The following NTN1 variants were observed in gnomAD, a reference collection of about 807,000 sequenced individuals.
The protein encoded by NTN1 is netrin 1, also known as netrin-1.
In NTN1, 11 loss-of-function variants were observed where a neutral mutation model predicts 54.2. That is an observed-to-expected ratio of 0.20 (90% CI 0.13 to 0.34). The LOEUF is 0.34. Ranked by LOEUF, NTN1 falls within the 10% of genes least tolerant of loss-of-function variation. NTN1 has a pLI of 1.00. For missense variants in NTN1, 740 were observed against 893.1 expected, an observed-to-expected ratio of 0.83 and a Z score of 2.18; for synonymous variants, 371 against 382.0, an observed-to-expected ratio of 0.97 and a Z score of 0.33.
intron 3 of NTN1, chr17:9,179,144 CTTTG>C (rs1308816556): frequency 6.6e-6 from 1 of 152,038 alleles, no homozygotes; most frequent in African/African-American, 2.4e-5. Context: ...CCTCTCCCGT[CTTTG>C]TTTGCACATT....
rs760134101 is a variant in NTN1, at chr17:9,221,341, C to T, written c.1486+99C>T. 1.7e-4 allele frequency: 145 copies of T among 877,974 alleles called. No homozygotes were observed. Among genetic ancestry groups the T allele is most frequent in the Non-Finnish European group, 2.5e-4 (128 of 514,102 alleles). 54.4% of individuals were successfully genotyped at this position (877,974 alleles called of 1,614,324 possible). ...CAGCTGGCCCCCGATGGGTGTTGGT[C>T]GTGAAGACCCTGTGACCGATGGGAA... On this transcript the variant is annotated intron_variant, in intron 6 of 6. Transcript: ENST00000173229. This position sits in a 1 kb window ranked among gnomAD's most constrained non-coding sequence, Gnocchi z 4.5.
At chr17:9,172,616 A>G (rs2092390141) in intron 3 of NTN1, among the ~76,000 whole-genome samples, 1 of 152,236 alleles carries the variant, frequency 6.6e-6, no homozygotes, top group Non-Finnish European at 1.5e-5. Context: ...CAAACAACCC[A>G]ATTAAACATG....
At chr17:9,171,752 T>C (rs540023330) in intron 3 of NTN1, 45 of 151,912 alleles carry the variant, frequency 3.0e-4, no homozygotes, top group Non-Finnish European at 6.2e-4. Flanking sequence ...GGGCCCTTGG[T>C]CAGAAGGGAA....
At chr17:9,070,027 G>A (rs1297385306) in intron 2 of NTN1, among the ~76,000 whole-genome samples, 1 of 152,136 alleles carries the variant, frequency 6.6e-6, no homozygotes, top group Non-Finnish European at 1.5e-5. Flanking sequence ...GATGGTCCTG[G>A]CTGGAGCACA....
At chr17:9,216,542 A>G (rs999264121) in intron 5 of NTN1, among the ~76,000 whole-genome samples, 2 of 152,242 alleles carry the variant, frequency 1.3e-5, no homozygotes, top group African/African-American at 2.4e-5. Flanking sequence ...CCTTTGAAGA[A>G]GAAAAAAATT....
chr17:9,072,743 T>C (rs2092036419), intron 2 of NTN1, among the ~76,000 whole-genome samples: 1 of 152,122 alleles, frequency 6.6e-6, no homozygotes, highest in South Asian at 2.1e-4. Flanking sequence ...CCCCCCAGAA[T>C]TGAGTTGATT....
intron 2 of NTN1, among the ~76,000 whole-genome samples, chr17:9,069,050 G>T (rs2092024663): frequency 6.6e-6 from 1 of 152,120 alleles, no homozygotes; most frequent in South Asian, 2.1e-4. Context: ...TCAAAGTATG[G>T]AGCTGAATTT....
intron 6 of NTN1, among the ~76,000 whole-genome samples, chr17:9,223,926 T>C (rs117504149): frequency 0.069 from 10,534 of 152,266 alleles, 465 homozygotes; most frequent in Non-Finnish European, 0.093. Flanking sequence ...GTGGGCTTGC[T>C]TGGGGAATGG....
Position 9,125,393 on chromosome 17 carries a change from A to G in NTN1, c.1019-37420A>G, listed in dbSNP as rs182180605. On this transcript the variant is annotated intron_variant, in intron 2 of 6. Coordinates refer to ENST00000173229, the MANE Select transcript of NTN1 (RefSeq NM_004822.3). Reference sequence around the variant, plus strand: ...AGGTGCTTGCCACCATGCCCAGGTAATTTTTTGTATTTTCAGTAGAGATGG... The same window carrying G: ...AGGTGCTTGCCACCATGCCCAGGTAGTTTTTTGTATTTTCAGTAGAGATGG... 5.2e-4 allele frequency among the ~76,000 whole-genome samples: 78 copies of G among 150,746 alleles called. 1 individual carries two copies. The highest frequency in any genetic ancestry group is 1.7e-3 in the African/African-American group (69 of 41,014).
Position 9,221,147 on chromosome 17 carries a change from T to TGGCGG in NTN1, c.1412-21_1412-20insGGCGG. 7.7e-7 allele frequency: 1 copy of TGGCGG among 1,303,814 alleles called. No individual in the cohort carries two copies. Among genetic ancestry groups the TGGCGG allele is most frequent in the Non-Finnish European group, 1.0e-6 (1 of 952,884 alleles). 80.8% of individuals were successfully genotyped at this position (1,303,814 alleles called of 1,614,324 possible). A position where few individuals can be genotyped will look rare whatever the true frequency, so the allele number is the denominator to read the frequency against. On this transcript the variant is annotated intron_variant, in intron 5 of 6. Transcript: ENST00000173229. The surrounding 1 kb of genome is among the most constrained non-coding windows in gnomAD (Gnocchi z 4.5). ...CAGCCTAATTAGTTTTTGTCTGTGC[T>TGGCGG]CCCCCCCCACCCCCCTGCAGACTGC...
At chr17:9,209,918 G>A (rs2142345371) in intron 5 of NTN1, among the ~76,000 whole-genome samples, 1 of 152,134 alleles carries the variant, frequency 6.6e-6, no homozygotes, top group South Asian at 2.1e-4. Context: ...GCATGAGGTG[G>A]GGCCTGGGCA....
intron 2 of NTN1, among the ~76,000 whole-genome samples, chr17:9,118,757 T>G (rs752572721): frequency 2.4e-4 from 36 of 152,236 alleles, no homozygotes; most frequent in Non-Finnish European, 4.3e-4. Context: ...TGACCTTTTA[T>G]GTGTGGCTTC....
At chr17:9,198,652 G>A (rs980694921) in intron 5 of NTN1, among the ~76,000 whole-genome samples, 7 of 152,176 alleles carry the variant, frequency 4.6e-5, no homozygotes, top group African/African-American at 1.7e-4. Context: ...CCTGTGTCCA[G>A]CTGGTCTCAG....
chr17:9,017,482 C>T (rs1388605853), upstream of NTN1, among the ~76,000 whole-genome samples: 1 of 152,202 alleles, frequency 6.6e-6, no homozygotes, highest in African/African-American at 2.4e-5. Context: ...AACGCTCTTA[C>T]CCATTGGTTT....
At chr17:9,023,716 G>C (rs532159846) in intron 2 of NTN1, among the ~76,000 whole-genome samples, 2 of 152,218 alleles carry the variant, frequency 1.3e-5, no homozygotes, top group African/African-American at 2.4e-5. Context: ...CTTCCCCCTC[G>C]TTGGGTTGGA....
intron 2 of NTN1, among the ~76,000 whole-genome samples, chr17:9,031,804 C>T (rs1264681392): frequency 6.6e-6 from 1 of 151,250 alleles, no homozygotes; most frequent in Non-Finnish European, 1.5e-5. Flanking sequence ...AACAAACAAA[C>T]AAAAAAAACT....
At chr17:9,101,123 A>G (rs940517736) in intron 2 of NTN1, among the ~76,000 whole-genome samples, 10 of 152,158 alleles carry the variant, frequency 6.6e-5, no homozygotes, top group African/African-American at 2.4e-4. Context: ...ATCACATTTC[A>G]TCTTGTAGTT....
At chr17:9,117,725 C>G (rs551595730) in intron 2 of NTN1, among the ~76,000 whole-genome samples, 53 of 138,516 alleles carry the variant, frequency 3.8e-4, no homozygotes, top group Non-Finnish European at 7.0e-4. Flanking sequence ...GCCTGGGAGA[C>G]AGGGCAAGAC....
intron 2 of NTN1, among the ~76,000 whole-genome samples, chr17:9,042,412 G>T (rs775920121): frequency 6.6e-6 from 1 of 151,802 alleles, no homozygotes; most frequent in Non-Finnish European, 1.5e-5. Flanking sequence ...CGAGCGAGGG[G>T]TTTGAGGCTA....
Sources: gnomAD v4.1 joint callset for allele counts (sites outside exome capture counted in the v4.1 genomes callset) on GRCh38, gnomAD v4.1.1 for gene constraint, Gnocchi (gnomAD v3.1) non-coding constraint, MANE v1.5 for transcripts, NCBI Gene and HGNC (gene_info 2026-07-23, HGNC 2026-07-21) for gene names.